Variants in SMG6 observed in about 807,000 individuals in gnomAD.
SMG6 encodes SMG6 nonsense mediated mRNA decay factor.
In SMG6, 66 loss-of-function variants were observed where a neutral mutation model predicts 142.2. The ratio of observed to expected loss-of-function variants is 0.46; its 90% CI spans 0.38 to 0.57. SMG6 has a LOEUF of 0.57. Ranked by LOEUF, SMG6 falls within the 20% of genes least tolerant of loss-of-function variation. The pLI, the probability that SMG6 is intolerant of heterozygous loss-of-function variation, is 0.00. For synonymous variants in SMG6, 779 were observed against 702.4 expected (o/e 1.11, Z -1.72); for missense variants, 1,793 against 1,832.0 (o/e 0.98, Z 0.39).
rs116229092 is a variant in SMG6, at chr17:2,092,496, G to A, written c.3358-6595C>T. Among the ~76,000 whole-genome samples the A allele has an allele frequency of 1.9e-3, 289 of 152,322 alleles. 2 individuals carry two copies. The highest frequency in any genetic ancestry group is 5.9e-3 in the African/African-American group (245 of 41,564). ...CCCCACCTGTAACCACCAGGTGTGT[G>A]CTGAAGTCTCTTAGAGAAGGGGAGG... is the stretch of plus-strand genomic sequence containing the variant. On this transcript the variant is annotated intron_variant, in intron 13 of 18. Transcript: ENST00000263073.
At chr17:2,181,232 C>A (rs150912624) in intron 12 of SMG6, among the ~76,000 whole-genome samples, 99 of 152,326 alleles carry the variant, frequency 6.5e-4, no homozygotes, top group African/African-American at 2.2e-3. Flanking sequence ...ATATGGGAAA[C>A]AAAAGAAGGA....
At chr17:2,269,019 A>G (rs758146137) in intron 8 of SMG6, among the ~76,000 whole-genome samples, 5 of 152,038 alleles carry the variant, frequency 3.3e-5, no homozygotes, top group African/African-American at 9.6e-5. Flanking sequence ...CCTGGCTAAC[A>G]TGGTGAAACC....
At chr17:2,192,130 G>A (rs985949681) in intron 10 of SMG6, among the ~76,000 whole-genome samples, 1 of 152,258 alleles carries the variant, frequency 6.6e-6, no homozygotes, top group Admixed American at 6.5e-5. Flanking sequence ...ATGGGAGTGA[G>A]GCAGGAGGGG....
chr17:2,169,633 G>C (rs1179466425), intron 13 of SMG6, among the ~76,000 whole-genome samples: 1 of 152,172 alleles, frequency 6.6e-6, no homozygotes. Context: ...TTGAGGAACA[G>C]CAAGGATGTC....
Position 2,103,671 on chromosome 17 carries a change from C to T in SMG6, c.3358-17770G>A, listed in dbSNP as rs542540145. ...TGGGGAACGGCTGGCTCTCGCCCCACGCTCTTCTTGTGAGCTGTTTCTTTC... is the reference window on the plus strand; with the variant it reads ...TGGGGAACGGCTGGCTCTCGCCCCATGCTCTTCTTGTGAGCTGTTTCTTTC... On this transcript the variant is annotated intron_variant, in intron 13 of 18. Coordinates refer to ENST00000263073, the MANE Select transcript of SMG6 (RefSeq NM_017575.5). 4.6e-5 allele frequency among the ~76,000 whole-genome samples: 7 copies of T among 152,338 alleles called. No individual in the cohort carries two copies. The East Asian group carries it at 9.6e-4, about 21-fold the overall frequency.
chr17:2,192,290 T>C (rs973865481), intron 10 of SMG6, among the ~76,000 whole-genome samples: 1 of 152,200 alleles, frequency 6.6e-6, no homozygotes, highest in African/African-American at 2.4e-5. Context: ...ACCAGTGGGA[T>C]GGAGTTTGGT....
intron 13 of SMG6, among the ~76,000 whole-genome samples, chr17:2,155,576 T>C (rs909439723): frequency 4.6e-5 from 7 of 152,154 alleles, no homozygotes; most frequent in Non-Finnish European, 8.8e-5. Flanking sequence ...GTTACAGCAG[T>C]ACCCAGAAAG....
intron 13 of SMG6, among the ~76,000 whole-genome samples, chr17:2,147,468 G>A (rs560047965): frequency 6.6e-6 from 1 of 152,208 alleles, no homozygotes; most frequent in African/African-American, 2.4e-5. Context: ...TGGGCGTAGT[G>A]GTGCACACGA....
At position 2,060,455 on chromosome 17, in the gene SMG6, T is replaced by C. The variant is rs1597307325; in HGVS notation, c.*1037A>G. On this transcript the variant is annotated 3_prime_UTR_variant, in exon 19 of 19. Coordinates refer to ENST00000263073, the MANE Select transcript of SMG6 (RefSeq NM_017575.5). ...TTTCTCCCAGCACAGGAGCCGAGGG[T>C]GGAAGGCCCTGGGTGGGAGACCTGT... The C allele has an allele frequency of 6.6e-6, 1 of 152,008 alleles. No individual in the cohort carries two copies. The highest frequency in any genetic ancestry group is 6.5e-5 in the Admixed American group (1 of 15,268). 9.4% of individuals were successfully genotyped at this position (152,008 alleles called of 1,614,324 possible).
intron 13 of SMG6, among the ~76,000 whole-genome samples, chr17:2,099,285 C>A (rs2068943401): frequency 6.6e-6 from 1 of 151,840 alleles, no homozygotes; most frequent in South Asian, 2.1e-4. Context: ...GGGGGGTGCT[C>A]CTCATGGGGG....
intron 8 of SMG6, among the ~76,000 whole-genome samples, chr17:2,273,874 T>G (rs2074593381): frequency 6.6e-6 from 1 of 152,096 alleles, no homozygotes; most frequent in Non-Finnish European, 1.5e-5. Context: ...CTTGAAGGAA[T>G]GTAATTCTGT....
chr17:2,283,057 C>T (rs1051893408), intron 7 of SMG6, among the ~76,000 whole-genome samples, 198 bp from the exon 8 acceptor site: 3 of 152,138 alleles, frequency 2.0e-5, no homozygotes, highest in African/African-American at 7.2e-5. Context: ...GTAATCCTAG[C>T]TACTCGGGAG....
intron 13 of SMG6, among the ~76,000 whole-genome samples, chr17:2,134,936 G>A (rs970889791): frequency 2.0e-5 from 3 of 151,300 alleles, no homozygotes; most frequent in Non-Finnish European, 4.4e-5. Context: ...CTGGAGTTCC[G>A]TGGCACGAAC....
chr17:2,277,187 G>C (rs1178451220), intron 8 of SMG6, among the ~76,000 whole-genome samples: 11 of 80,820 alleles, frequency 1.4e-4, no homozygotes, highest in Admixed American at 1.1e-3. Context: ...TTTTTTTTTT[G>C]AGACAGAGTC....
intron 13 of SMG6, among the ~76,000 whole-genome samples, chr17:2,124,491 G>C (rs966215742): frequency 2.0e-5 from 3 of 152,182 alleles, no homozygotes; most frequent in Non-Finnish European, 4.4e-5. Context: ...CCTCCGCAGA[G>C]AGTCGTAACA....
At chr17:2,110,469 ACACACG>A (rs1246075087) in intron 13 of SMG6, among the ~76,000 whole-genome samples, 3 of 152,162 alleles carry the variant, frequency 2.0e-5, no homozygotes, top group African/African-American at 4.8e-5. Flanking sequence ...ATATACTATG[ACACACG>A]CACACGCACA....
Position 2,299,989 on chromosome 17 carries a change from C to A in SMG6, c.764G>T (p.Arg255Leu), listed in dbSNP as rs750231654. Residue 255 changes from arginine (R) to leucine (L), a missense_variant, in exon 2 of 19, where the codon CGC becomes CTC. Arg to Leu is a moderately radical substitution (Grantham distance 102, BLOSUM62 -2). Around this residue, in one of 3 missense-constraint regions of SMG6, gnomAD observed 1,597 missense variants for 1,584.6 expected, o/e 1.01. Transcript: ENST00000263073. This position sits in a 1 kb window ranked among gnomAD's most constrained non-coding sequence, Gnocchi z 4.3. ...GCCAGCTGAGCTGGTGCTGCGCGTG[C>A]GGTAGCGATTCCTTCGTTTGTCTGA... ...SRSDKRRNRY[R>L]TRSTSSAGSN... 6.2e-7 allele frequency: 1 copy of A among 1,613,964 alleles called. No homozygotes were observed. Among genetic ancestry groups the A allele is most frequent in the Non-Finnish European group, 8.5e-7 (1 of 1,180,044 alleles).
At chr17:2,221,234 G>A (rs1443671714) in intron 10 of SMG6, among the ~76,000 whole-genome samples, 1 of 152,144 alleles carries the variant, frequency 6.6e-6, no homozygotes, top group Non-Finnish European at 1.5e-5. Context: ...GGCCTGGTAG[G>A]AGGTGACTGC....
intron 8 of SMG6, among the ~76,000 whole-genome samples, chr17:2,277,153 ATTTATTTATTTATTT>A (rs1290071036): frequency 0.016 from 1,325 of 83,188 alleles, 58 homozygotes; most frequent in African/African-American, 0.045. Flanking sequence ...TTATTTATTT[ATTTATTTATTTATTT>A]TTTATTTTTT....
Sources: allele counts gnomAD v4.1 joint callset (sites outside exome capture counted in the v4.1 genomes callset), GRCh38; gene constraint gnomAD v4.1.1; regional missense constraint gnomAD v4.1.1; non-coding constraint Gnocchi (gnomAD v3.1); transcripts MANE v1.5; gene names NCBI Gene and HGNC (gene_info 2026-07-23, HGNC 2026-07-21).